Variants in NTM observed in about 807,000 individuals in gnomAD.
The protein encoded by NTM is IgLON family member 2.
A neutral mutation model predicts 42.1 loss-of-function variants in NTM; 13 were observed. That is an observed-to-expected ratio of 0.31 (90% CI 0.20 to 0.49). The LOEUF is 0.49. NTM is among the 20% of genes least tolerant of loss of function. The probability of loss-of-function intolerance (pLI) is 0.99; values close to 1 mark genes in which losing one functional copy is unlikely to be tolerated. For synonymous variants in NTM, 187 were observed against 179.2 expected (o/e 1.04, Z -0.35); for missense variants, 373 against 452.8 (o/e 0.82, Z 1.60).
intron 2 of NTM, among the ~76,000 whole-genome samples, chr11:132,097,265 C>G (rs1008490991): frequency 1.3e-5 from 2 of 152,162 alleles, no homozygotes; most frequent in African/African-American, 4.8e-5. Context: ...ATGGTCCTTC[C>G]TAAAGGGAAC....
At chr11:131,445,312 C>T (rs189087418) in intron 1 of NTM, among the ~76,000 whole-genome samples, 61 of 152,318 alleles carry the variant, frequency 4.0e-4, no homozygotes, top group African/African-American at 1.4e-3. Flanking sequence ...CCCACTGACA[C>T]ATTTGCACAT....
intron 1 of NTM, among the ~76,000 whole-genome samples, chr11:131,737,328 C>A (rs771045712): frequency 2.0e-5 from 3 of 152,140 alleles, no homozygotes; most frequent in Admixed American, 2.0e-4. Context: ...TGGATCTCAC[C>A]TCTCTGTCTT....
intron 3 of NTM, among the ~76,000 whole-genome samples, chr11:132,208,833 C>A (rs960181245): frequency 1.3e-5 from 2 of 152,170 alleles, no homozygotes; most frequent in Non-Finnish European, 2.9e-5. Flanking sequence ...TATTGCATGG[C>A]ATTGGCGTGA....
At chr11:131,439,583 G>A (rs1309233579) in intron 1 of NTM, among the ~76,000 whole-genome samples, 1 of 152,242 alleles carries the variant, frequency 6.6e-6, no homozygotes, top group Non-Finnish European at 1.5e-5. Context: ...CTAGCAGCGA[G>A]CAAAGCTCTG....
chr11:132,221,232 A>G (rs2085104415), intron 4 of NTM, among the ~76,000 whole-genome samples: 1 of 152,230 alleles, frequency 6.6e-6, no homozygotes. Context: ...TCATTCAATC[A>G]TAACAATAGC....
At chr11:132,080,598 C>T (rs974414288) in intron 2 of NTM, among the ~76,000 whole-genome samples, 1 of 152,182 alleles carries the variant, frequency 6.6e-6, no homozygotes, top group African/African-American at 2.4e-5. Flanking sequence ...TTACCTTTTA[C>T]CTACATTTCA....
intron 1 of NTM, among the ~76,000 whole-genome samples, chr11:131,884,886 T>G (rs1002059176): frequency 6.6e-6 from 1 of 152,200 alleles, no homozygotes; most frequent in Admixed American, 6.5e-5. Flanking sequence ...AGGGCTACTC[T>G]TAGCCCTTTA....
At chr11:131,738,060 C>T (rs892333194) in intron 1 of NTM, among the ~76,000 whole-genome samples, 1 of 152,166 alleles carries the variant, frequency 6.6e-6, no homozygotes, top group Non-Finnish European at 1.5e-5. Context: ...TTTCCCTCTC[C>T]GATGTCCCTG....
chr11:132,192,841 G>A (rs947521368), intron 3 of NTM, among the ~76,000 whole-genome samples: 6 of 152,114 alleles, frequency 3.9e-5, no homozygotes, highest in African/African-American at 1.4e-4. Context: ...AAAAAGAGTA[G>A]GGGTCGCCAT....
At chr11:131,861,556 C>T (rs190713562) in intron 1 of NTM, among the ~76,000 whole-genome samples, 294 of 152,212 alleles carry the variant, frequency 1.9e-3, no homozygotes, top group African/African-American at 6.6e-3. Context: ...AAAGTCTCAC[C>T]GGGTTACATT....
chr11:131,433,093 G>A (rs1450597886), intron 1 of NTM, among the ~76,000 whole-genome samples: 2 of 151,828 alleles, frequency 1.3e-5, no homozygotes, highest in Admixed American at 6.6e-5. Context: ...TCCTGACCTC[G>A]TGATCCCCCC....
intron 1 of NTM, among the ~76,000 whole-genome samples, chr11:131,380,277 A>T (rs1257914184): frequency 2.1e-5 from 3 of 140,758 alleles, no homozygotes; most frequent in African/African-American, 8.1e-5. Flanking sequence ...GTGCCATCTC[A>T]GCTCACCTCA....
intron 2 of NTM, among the ~76,000 whole-genome samples, chr11:132,048,657 A>C (rs1168016911): frequency 1.3e-5 from 2 of 152,164 alleles, no homozygotes; most frequent in East Asian, 3.9e-4. Flanking sequence ...AGGGACCCAG[A>C]AGTTGAGAAT....
chr11:131,654,587 G>C (rs576198740), intron 1 of NTM, among the ~76,000 whole-genome samples: 30 of 152,338 alleles, frequency 2.0e-4, no homozygotes, highest in African/African-American at 7.2e-4. Context: ...CAAGGTTGGA[G>C]GTGAGGCCTG....
intron 2 of NTM, among the ~76,000 whole-genome samples, chr11:132,057,799 A>C (rs2079935671): frequency 6.6e-6 from 1 of 152,184 alleles, no homozygotes. Flanking sequence ...TACTCAAAAT[A>C]TCCTGCAGCT....
At chr11:132,100,628 C>T (rs1016084903) in intron 2 of NTM, among the ~76,000 whole-genome samples, 1 of 152,188 alleles carries the variant, frequency 6.6e-6, no homozygotes, top group Non-Finnish European at 1.5e-5. Context: ...TGGCCATATT[C>T]ACAGAAGCAC....
At chr11:131,601,097 T>C (rs138535961) in intron 1 of NTM, among the ~76,000 whole-genome samples, 34 of 152,246 alleles carry the variant, frequency 2.2e-4, no homozygotes, top group African/African-American at 8.2e-4. Context: ...AATTCTCCTA[T>C]AAGTTGGGTA....
At chr11:131,628,899 G>A (rs538077040) in intron 1 of NTM, among the ~76,000 whole-genome samples, 2 of 152,376 alleles carry the variant, frequency 1.3e-5, no homozygotes, top group East Asian at 1.9e-4. Flanking sequence ...AAGAGCCAGG[G>A]CTGTGGAGTA....
chr11:131,772,185 T>C (rs2086212206), intron 1 of NTM, among the ~76,000 whole-genome samples: 1 of 152,156 alleles, frequency 6.6e-6, no homozygotes, highest in Non-Finnish European at 1.5e-5. Flanking sequence ...TGTGTATGCA[T>C]GCATATTTTC....
Sources: allele counts gnomAD v4.1 joint callset (sites outside exome capture counted in the v4.1 genomes callset), GRCh38; gene constraint gnomAD v4.1.1; transcripts MANE v1.5; gene names NCBI Gene and HGNC (gene_info 2026-07-23, HGNC 2026-07-21).